Variants in DLG2 observed in about 807,000 individuals in gnomAD.
The protein encoded by DLG2 is discs large MAGUK scaffold protein 2.
In DLG2, 45 loss-of-function variants were observed where a neutral mutation model predicts 132.5. The observed-to-expected ratio is 0.34, with a 90% CI of 0.27 to 0.44. The LOEUF (loss-of-function observed/expected upper bound fraction) is 0.44. Ranked by LOEUF, DLG2 falls within the 20% of genes least tolerant of loss-of-function variation. The probability of loss-of-function intolerance (pLI) is 1.00; values close to 1 mark genes in which losing one functional copy is unlikely to be tolerated. For missense variants in DLG2, 1,045 were observed against 1,196.9 expected (o/e 0.87, Z 1.87); for synonymous variants, 424 against 419.6 (o/e 1.01, Z -0.13).
At chr11:84,923,196 T>C in intron 6 of DLG2, 2 of 1,607,060 alleles carry the variant, frequency 1.2e-6, no homozygotes, top group Non-Finnish European at 1.7e-6. Flanking sequence ...ATCCTGGGCA[T>C]GTGCTACTAA....
chr11:83,770,092 TAAATTATCACC>T (rs1268983337), intron 18 of DLG2, among the ~76,000 whole-genome samples: 1 of 116,402 alleles, frequency 8.6e-6, no homozygotes. Flanking sequence ...TGATTCCAAC[TAAATTATCACC>T]AGGGCTGTGT....
intron 5 of DLG2, among the ~76,000 whole-genome samples, chr11:85,118,752 C>T (rs1473767847): frequency 6.6e-6 from 1 of 151,972 alleles, no homozygotes; most frequent in Non-Finnish European, 1.5e-5. Flanking sequence ...ACCCGGGTTA[C>T]AATGCCAGAG....
intron 6 of DLG2, among the ~76,000 whole-genome samples, chr11:84,666,093 T>C (rs2099699464): frequency 6.6e-6 from 1 of 152,138 alleles, no homozygotes; most frequent in Non-Finnish European, 1.5e-5. Flanking sequence ...TTCTTCCCTT[T>C]CACATTTATT....
At chr11:85,622,583 G>A (rs2153276842) in intron 2 of DLG2, among the ~76,000 whole-genome samples, 1 of 150,636 alleles carries the variant, frequency 6.6e-6, no homozygotes, top group South Asian at 2.1e-4. Context: ...ACTTTGAATA[G>A]GGAAAAAATA....
chr11:84,862,516 C>T (rs1011219493), intron 6 of DLG2, among the ~76,000 whole-genome samples: 2 of 152,098 alleles, frequency 1.3e-5, no homozygotes, highest in African/African-American at 4.8e-5. Flanking sequence ...AAGACACATG[C>T]ACACGTATGT....
At chr11:83,980,064 G>A (rs2092645646) in intron 12 of DLG2, among the ~76,000 whole-genome samples, 1 of 152,046 alleles carries the variant, frequency 6.6e-6, no homozygotes, top group African/African-American at 2.4e-5. Context: ...CTAAATTGTG[G>A]ACCCCTCACA....
chr11:83,985,644 G>T lies in DLG2; in HGVS notation c.920-5002C>A, dbSNP rs142094618. The stretch of plus-strand genomic sequence containing the variant: ...GTTCCTGTGTTACTTTGCTGAGAAT[G>T]ATGGCTTCCAGCTCCATCCATGTCC... On this transcript the variant is annotated intron_variant, in intron 11 of 27. Coordinates refer to ENST00000376104, the MANE Select transcript of DLG2 (RefSeq NM_001142699.3). Among the ~76,000 whole-genome samples the T allele has an allele frequency of 7.7e-4, 117 of 152,156 alleles. 2 individuals are homozygous for T. In the East Asian group the frequency reaches 0.02, roughly 26 times the overall value.
chr11:84,389,797 C>T (rs920261144), intron 7 of DLG2, among the ~76,000 whole-genome samples: 14 of 152,122 alleles, frequency 9.2e-5, no homozygotes, highest in African/African-American at 3.4e-4. Flanking sequence ...GTAAGAAATG[C>T]AGCTAGCTCT....
chr11:83,945,089 A>C (rs147581731), intron 14 of DLG2, among the ~76,000 whole-genome samples: 1 of 152,232 alleles, frequency 6.6e-6, no homozygotes, highest in Non-Finnish European at 1.5e-5. Context: ...GTACAACAAC[A>C]AACTTTCACG....
At chr11:84,643,550 AATT>A (rs1368637546) in intron 6 of DLG2, among the ~76,000 whole-genome samples, 1 of 152,156 alleles carries the variant, frequency 6.6e-6, no homozygotes, top group East Asian at 1.9e-4. Context: ...TGTTCTATAT[AATT>A]ATTATTCCCT....
intron 8 of DLG2, among the ~76,000 whole-genome samples, chr11:84,175,696 C>T (rs906845496): frequency 3.9e-5 from 6 of 152,140 alleles, no homozygotes; most frequent in Non-Finnish European, 7.4e-5. Context: ...AAGCACATCA[C>T]TATCTTCACA....
chr11:85,565,160 T>C (rs989172430), intron 3 of DLG2, among the ~76,000 whole-genome samples: 4 of 152,102 alleles, frequency 2.6e-5, no homozygotes, highest in Non-Finnish European at 5.9e-5. Context: ...ATGTGAGCTA[T>C]GCATTAAACA....
chr11:84,604,974 A>C (rs566101750), intron 6 of DLG2, among the ~76,000 whole-genome samples: 8 of 152,078 alleles, frequency 5.3e-5, no homozygotes, highest in Admixed American at 3.3e-4. Context: ...GTTTTTACCT[A>C]AATTAATAAT....
At chr11:84,801,439 C>T (rs1055905522) in intron 6 of DLG2, among the ~76,000 whole-genome samples, 11 of 152,244 alleles carry the variant, frequency 7.2e-5, no homozygotes, top group South Asian at 2.1e-4. Flanking sequence ...GGTGTGGTGG[C>T]GGGCGCCTGT....
intron 6 of DLG2, among the ~76,000 whole-genome samples, chr11:84,881,428 A>C (rs1423515197): frequency 6.6e-6 from 1 of 152,132 alleles, no homozygotes; most frequent in Admixed American, 6.6e-5. Context: ...GACTTGAAGC[A>C]TGTTGTAGGA....
intron 7 of DLG2, among the ~76,000 whole-genome samples, chr11:84,296,916 A>C (rs926620653): frequency 6.6e-6 from 1 of 152,188 alleles, no homozygotes; most frequent in African/African-American, 2.4e-5. Flanking sequence ...AGATATTCCA[A>C]ATATCTTTCA....
rs575340982 is a variant in DLG2 at position 84,635,587 on chromosome 11, T to A, written c.358-100856A>T. Reference sequence around the variant, plus strand: ...TATATATTTTCTTTCCATTCAGCTATGCATTTCTCTCATTATTTTGTTTAG... The same window carrying A: ...TATATATTTTCTTTCCATTCAGCTAAGCATTTCTCTCATTATTTTGTTTAG... On this transcript the variant is annotated intron_variant, in intron 6 of 27. Coordinates refer to ENST00000376104, the MANE Select transcript of DLG2 (RefSeq NM_001142699.3). Among the ~76,000 whole-genome samples the A allele has an allele frequency of 5.3e-5, 8 of 152,300 alleles. No individual in the cohort carries two copies. The South Asian group carries it at 1.7e-3, about 32-fold the overall frequency.
intron 6 of DLG2, among the ~76,000 whole-genome samples, chr11:84,591,155 G>T (rs1315013541): frequency 6.6e-6 from 1 of 150,730 alleles, no homozygotes; most frequent in Non-Finnish European, 1.5e-5. Flanking sequence ...ACTCCATGCT[G>T]TTGTCATGTT....
At chr11:84,193,347 C>CT (rs942968677) in intron 8 of DLG2, among the ~76,000 whole-genome samples, 10 of 152,144 alleles carry the variant, frequency 6.6e-5, no homozygotes, top group African/African-American at 2.4e-4. Context: ...AGATATTAAA[C>CT]TAACACATAA....
Sources: gnomAD v4.1 joint callset for allele counts (sites outside exome capture counted in the v4.1 genomes callset) on GRCh38, gnomAD v4.1.1 for gene constraint, MANE v1.5 for transcripts, NCBI Gene and HGNC (gene_info 2026-07-23, HGNC 2026-07-21) for gene names.